PALM2AKAP2: variants seen among roughly 807,000 people sequenced by gnomAD.
The protein encoded by PALM2AKAP2 is PALM2 and AKAP2 fusion, also known as PALM2-AKAP2 fusion protein.
In PALM2AKAP2, 37 loss-of-function variants were observed where a neutral mutation model predicts 71.5. The observed-to-expected ratio is 0.52, with a 90% CI of 0.40 to 0.68. The LOEUF is 0.68. Ranked by LOEUF, PALM2AKAP2 falls within the 30% of genes least tolerant of loss-of-function variation. The pLI, the probability that PALM2AKAP2 is intolerant of heterozygous loss-of-function variation, is 0.00. For missense variants in PALM2AKAP2, 1,224 were observed against 1,191.8 expected (o/e 1.03, Z -0.40); for synonymous variants, 468 against 478.8 (o/e 0.98, Z 0.29).
intron 1 of PALM2AKAP2, among the ~76,000 whole-genome samples, chr9:110,113,243 CTT>C (rs55734110): frequency 0.46 from 63,628 of 139,566 alleles, 14,960 homozygotes; most frequent in East Asian, 0.7. Context: ...TTGTTTTTTT[CTT>C]TTTTTTTTTT....
chr9:109,785,286 C>T lies in PALM2AKAP2; in HGVS notation c.45+4753C>T, dbSNP rs1486881854. On this transcript the variant is annotated intron_variant, in intron 1 of 9. Coordinates refer to the PALM2AKAP2 transcript ENST00000302798. ...TGTGAAGTAATAAAAATGATCTTTG[C>T]ATTTGTGCAGTACTTTATAATTTAT... is the stretch of plus-strand genomic sequence containing the variant. Among the ~76,000 whole-genome samples, 5 of 152,162 alleles carry T rather than the reference C, an allele frequency of 3.3e-5. No homozygotes were observed. The South Asian group carries it at 6.2e-4, about 19-fold the overall frequency.
Position 109,820,648 on chromosome 9 carries a change from G to A in PALM2AKAP2, c.45+40115G>A, listed in dbSNP as rs147121583. 2.0e-4 allele frequency among the ~76,000 whole-genome samples: 30 copies of A among 152,314 alleles called. No homozygotes were observed. The East Asian group carries it at 2.9e-3, about 15-fold the overall frequency. ...TGGTGATGTTAGCTGCTTCCTTGGC[G>A]TCTGAGTTCTGGCTTGTGAGCAGAT... On this transcript the variant is annotated intron_variant, in intron 1 of 9. Transcript: ENST00000302798.
At chr9:110,125,666 T>A in intron 1 of PALM2AKAP2, 1 of 908,960 alleles carries the variant, frequency 1.1e-6, no homozygotes. Context: ...GGTCTTTTTT[T>A]GAGGCCAGTG....
At chr9:109,990,765 A>T (rs1052715968) in intron 6 of PALM2AKAP2, among the ~76,000 whole-genome samples, 2 of 152,278 alleles carry the variant, frequency 1.3e-5, no homozygotes, top group Non-Finnish European at 2.9e-5. Flanking sequence ...ACATTGCCAG[A>T]AAATGGCACA....
At chr9:110,066,576 T>C (rs948100328) in intron 1 of PALM2AKAP2, among the ~76,000 whole-genome samples, 3 of 152,076 alleles carry the variant, frequency 2.0e-5, no homozygotes, top group Non-Finnish European at 4.4e-5. Flanking sequence ...TGCACACCTG[T>C]AGTCCTGGCT....
intron 1 of PALM2AKAP2, among the ~76,000 whole-genome samples, chr9:109,673,710 T>G (rs921086257): frequency 6.6e-6 from 1 of 152,032 alleles, no homozygotes; most frequent in African/African-American, 2.4e-5. Flanking sequence ...AATAGTCTCC[T>G]ACTATTATTG....
chr9:110,132,032 CGTGTGT>C (rs3063946), intron 1 of PALM2AKAP2, among the ~76,000 whole-genome samples: 20,117 of 147,210 alleles, frequency 0.14, 1,555 homozygotes, highest in South Asian at 0.28. Context: ...AAGTAACTAG[CGTGTGT>C]GTGTGTGTGT....
intron 7 of PALM2AKAP2, among the ~76,000 whole-genome samples, chr9:110,040,143 C>G (rs990524101): frequency 4.6e-5 from 7 of 152,050 alleles, no homozygotes; most frequent in Admixed American, 4.6e-4. Context: ...GGTATAGGTA[C>G]TTTAGTTGAT....
chr9:109,940,627 A>G (rs1831338286), intron 6 of PALM2AKAP2, among the ~76,000 whole-genome samples: 1 of 152,146 alleles, frequency 6.6e-6, no homozygotes, highest in Admixed American at 6.5e-5. Context: ...AGACAATGAC[A>G]AGCAGATGGG....
At chr9:110,099,599 A>C (rs1834942637) in intron 1 of PALM2AKAP2, among the ~76,000 whole-genome samples, 1 of 152,192 alleles carries the variant, frequency 6.6e-6, no homozygotes, top group African/African-American at 2.4e-5. Context: ...GGGTGGCATT[A>C]CCTCACTGAC....
intron 6 of PALM2AKAP2, chr9:109,943,148 T>C (rs1355450325): frequency 6.2e-7 from 1 of 1,614,190 alleles, no homozygotes; most frequent in Admixed American, 1.7e-5. Flanking sequence ...TACCAAAATA[T>C]CGAGGATGAA....
At chr9:109,757,068 T>C (rs1457559924) in intron 1 of PALM2AKAP2, among the ~76,000 whole-genome samples, 2 of 152,106 alleles carry the variant, frequency 1.3e-5, no homozygotes, top group African/African-American at 2.4e-5. Context: ...GTGTTCTATC[T>C]ATCTGTATGT....
chr9:110,043,077 C>T (rs1833535882), intron 7 of PALM2AKAP2, among the ~76,000 whole-genome samples: 1 of 152,088 alleles, frequency 6.6e-6, no homozygotes, highest in Non-Finnish European at 1.5e-5. Flanking sequence ...CTCTGATAAC[C>T]ACCCTTCTAC....
intron 1 of PALM2AKAP2, among the ~76,000 whole-genome samples, chr9:109,832,250 C>T (rs1828321597): frequency 6.6e-6 from 1 of 152,224 alleles, no homozygotes; most frequent in African/African-American, 2.4e-5. Flanking sequence ...AGTCTCGTTG[C>T]CTACGTTCAA....
chr9:109,719,885 G>C (rs144431849), intron 1 of PALM2AKAP2, among the ~76,000 whole-genome samples: 65 of 152,320 alleles, frequency 4.3e-4, no homozygotes, highest in African/African-American at 1.4e-3. Context: ...TAGCCCAACA[G>C]TCAGGAAGCT....
At position 109,827,603 on chromosome 9, in the gene PALM2AKAP2, C is replaced by T. The variant is rs576998317; in HGVS notation, c.46-39888C>T. Among the ~76,000 whole-genome samples the T allele has an allele frequency of 4.6e-5, 7 of 152,030 alleles. No homozygotes were observed. In the East Asian group the frequency reaches 5.8e-4, roughly 13 times the overall value. ...CAGCCTGGGCGACAGAGTGAGACTC[C>T]GTCTAAAAAAAGAAAAAAAATTATG... On this transcript the variant is annotated intron_variant, in intron 1 of 9. Coordinates refer to the PALM2AKAP2 transcript ENST00000302798.
chr9:109,925,566 A>AGT (rs1830939162), intron 5 of PALM2AKAP2, among the ~76,000 whole-genome samples: 1 of 151,992 alleles, frequency 6.6e-6, no homozygotes, highest in Admixed American at 6.5e-5. Context: ...CTGATCAGAC[A>AGT]ACTGTCGTTT....
chr9:110,071,687 G>A (rs1834210937), intron 1 of PALM2AKAP2, among the ~76,000 whole-genome samples: 1 of 152,134 alleles, frequency 6.6e-6, no homozygotes, highest in South Asian at 2.1e-4. Flanking sequence ...CATAGAAAAT[G>A]GGCATATTTT....
chr9:109,692,809 A>C (rs1282299764), intron 1 of PALM2AKAP2, among the ~76,000 whole-genome samples: 10 of 151,988 alleles, frequency 6.6e-5, no homozygotes. Context: ...GATGTATTAT[A>C]CTTTTTCTAT....
Sources: gnomAD v4.1 joint callset for allele counts (sites outside exome capture counted in the v4.1 genomes callset) on GRCh38, gnomAD v4.1.1 for gene constraint, MANE v1.5 for transcripts, NCBI Gene and HGNC (gene_info 2026-07-23, HGNC 2026-07-21) for gene names.